The following NPEPPS variants were observed in gnomAD, a reference collection of about 807,000 sequenced individuals.
NPEPPS encodes the protein puromycin-sensitive aminopeptidase.
NPEPPS carries 14 observed loss-of-function variants against 115.5 expected under a neutral mutation model. The observed-to-expected ratio is 0.12, with a 90% CI of 0.08 to 0.19. The LOEUF (loss-of-function observed/expected upper bound fraction) is 0.19. NPEPPS is among the 10% of genes least tolerant of loss of function. The pLI, the probability that NPEPPS is intolerant of heterozygous loss-of-function variation, is 1.00. For synonymous variants in NPEPPS, 285 were observed against 390.6 expected (o/e 0.73, Z 3.19); for missense variants, 523 against 1,110.8 (o/e 0.47, Z 7.52).
intron 14 of NPEPPS, 112 bp from the exon 15 acceptor site, chr17:47,601,496 C>A: frequency 9.0e-7 from 1 of 1,107,086 alleles, no homozygotes; most frequent in Non-Finnish European, 1.3e-6. Flanking sequence ...TAAGAATGAA[C>A]TATTGACTTA....
At chr17:47,609,465 C>A (rs985663350) in intron 17 of NPEPPS, among the ~76,000 whole-genome samples, 3 of 152,202 alleles carry the variant, frequency 2.0e-5, no homozygotes, top group Admixed American at 6.5e-5. Context: ...TAAAATGTTA[C>A]CTTGCATCAC....
In NPEPPS at chr17:47,602,082, G is replaced by T. The variant is rs369904641; in HGVS notation, c.1740+335G>T. Reference sequence around the variant, plus strand: ...AATGAAAGGTTAACTTCAATGATGTGTTGTCACCATATGTGTACTACTGTA... The same window carrying T: ...AATGAAAGGTTAACTTCAATGATGTTTTGTCACCATATGTGTACTACTGTA... On this transcript the variant is annotated intron_variant, in intron 15 of 22. Coordinates refer to ENST00000322157, the MANE Select transcript of NPEPPS (RefSeq NM_006310.4). The T allele has an allele frequency of 8.7e-4, 219 of 251,390 alleles. 5 individuals carry two copies. The South Asian group carries it at 9.8e-3, about 11-fold the overall frequency. The allele number at this position is 251,390 out of a possible 1,614,324, so 15.6% of individuals were successfully genotyped here.
intron 1 of NPEPPS, among the ~76,000 whole-genome samples, chr17:47,540,191 T>G (rs1045787453): frequency 6.6e-6 from 1 of 151,936 alleles, no homozygotes; most frequent in Non-Finnish European, 1.5e-5. Context: ...AAGTGCAGTC[T>G]ATATAGGAGG....
chr17:47,561,997 T>A (rs1910460940), intron 2 of NPEPPS, among the ~76,000 whole-genome samples: 1 of 152,228 alleles, frequency 6.6e-6, no homozygotes, highest in South Asian at 2.1e-4. Context: ...ACAGAGAGCT[T>A]CCAGATAGCT....
chr17:47,533,022 T>G (rs1317054249), intron 1 of NPEPPS, among the ~76,000 whole-genome samples: 2 of 152,154 alleles, frequency 1.3e-5, no homozygotes, highest in Admixed American at 1.3e-4. Flanking sequence ...ATGGTGTATA[T>G]AGTAATGAAA....
At chr17:47,564,414 T>C (rs1910658151) in intron 2 of NPEPPS, among the ~76,000 whole-genome samples, 1 of 151,962 alleles carries the variant, frequency 6.6e-6, no homozygotes, top group Admixed American at 6.6e-5. Flanking sequence ...TTTAATTTTA[T>C]AGGTGTGGAA....
chr17:47,616,221 C>A (rs769031261), intron 19 of NPEPPS, among the ~76,000 whole-genome samples: 12 of 152,094 alleles, frequency 7.9e-5, no homozygotes, highest in Non-Finnish European at 1.0e-4. Flanking sequence ...GACTAGAACC[C>A]AGATCTCCCA....
At chr17:47,601,483 C>A in intron 14 of NPEPPS, 125 bp from the exon 15 acceptor site, 1 of 943,094 alleles carries the variant, frequency 1.1e-6, no homozygotes, top group Non-Finnish European at 1.7e-6. Flanking sequence ...GTTCATGTAC[C>A]ACTAAGAATG....
chr17:47,612,663 CTTT>C (rs35841962), intron 18 of NPEPPS, 61 bp downstream of exon 18: 12,034 of 1,076,534 alleles, frequency 0.011, no homozygotes, highest in Middle Eastern at 0.014. Context: ...AAGCATGGAA[CTTT>C]TTTTTTTTTT....
At chr17:47,553,259 G>C (rs1432608597) in intron 2 of NPEPPS, among the ~76,000 whole-genome samples, 1 of 151,400 alleles carries the variant, frequency 6.6e-6, no homozygotes, top group Non-Finnish European at 1.5e-5. Context: ...TGTAATCCTA[G>C]CTACTCGGGA....
intron 17 of NPEPPS, among the ~76,000 whole-genome samples, chr17:47,611,458 CAAAA>C (rs71141920): frequency 1.7e-5 from 2 of 120,160 alleles, no homozygotes; most frequent in Non-Finnish European, 1.7e-5. Context: ...GACCACATCT[CAAAA>C]AAAAAAAAAA....
intron 5 of NPEPPS, among the ~76,000 whole-genome samples, chr17:47,584,582 A>G (rs1912073007): frequency 6.6e-6 from 1 of 152,242 alleles, no homozygotes; most frequent in Non-Finnish European, 1.5e-5. Flanking sequence ...GGAAATATTC[A>G]TTCACACTTT....
intron 3 of NPEPPS, among the ~76,000 whole-genome samples, chr17:47,573,575 A>C (rs943846668): frequency 5.3e-4 from 80 of 152,302 alleles, no homozygotes; most frequent in African/African-American, 1.8e-3. Context: ...ATGAAGAAAT[A>C]GGCCATGGTC....
intron 1 of NPEPPS, among the ~76,000 whole-genome samples, chr17:47,543,917 CAG>C (rs1908983535): frequency 9.5e-6 from 1 of 105,802 alleles, no homozygotes; most frequent in Non-Finnish European, 2.3e-5. Context: ...ATTTTTGAGA[CAG>C]AGTCTTGCTC....
rs553293965 is a variant in NPEPPS at position 47,609,127 on chromosome 17, T to C, written c.2096-3333T>C. Among the ~76,000 whole-genome samples, 99 of 152,038 alleles carry C rather than the reference T, an allele frequency of 6.5e-4. No homozygotes were observed. The South Asian group carries it at 0.015, about 23-fold the overall frequency. On this transcript the variant is annotated intron_variant, in intron 17 of 22. Transcript: ENST00000322157. ...CATTTTCTGCAACTATTTGAACATA[T>C]GCGGTAGTAATATGCTCAGGAGGCT...
intron 3 of NPEPPS, among the ~76,000 whole-genome samples, chr17:47,571,696 C>T (rs376343735): frequency 1.1e-4 from 17 of 152,006 alleles, no homozygotes; most frequent in African/African-American, 4.1e-4. Context: ...CCAGCCTGGG[C>T]GACAGAGTGA....
chr17:47,545,745 C>T (rs1398039130), intron 1 of NPEPPS, among the ~76,000 whole-genome samples, 164 bp from the exon 2 acceptor site: 1 of 151,972 alleles, frequency 6.6e-6, no homozygotes, highest in Non-Finnish European at 1.5e-5. Context: ...GATGGGGTTT[C>T]GCCATGTTTT....
intron 2 of NPEPPS, among the ~76,000 whole-genome samples, chr17:47,555,042 A>G (rs1044039112): frequency 2.0e-5 from 3 of 152,228 alleles, no homozygotes; most frequent in African/African-American, 4.8e-5. Context: ...AACTGTGGAA[A>G]GTGAAACTGC....
At chr17:47,564,787 C>CT (rs1438275361) in intron 2 of NPEPPS, among the ~76,000 whole-genome samples, 13 of 152,062 alleles carry the variant, frequency 8.5e-5, no homozygotes, top group South Asian at 4.1e-4. Flanking sequence ...TTTGAACAAT[C>CT]TAACAGTTCC....
Sources: gnomAD v4.1 joint callset for allele counts (sites outside exome capture counted in the v4.1 genomes callset) on GRCh38, gnomAD v4.1.1 for gene constraint, MANE v1.5 for transcripts, NCBI Gene and HGNC (gene_info 2026-07-23, HGNC 2026-07-21) for gene names.